The following MYO16 variants were observed in gnomAD, a reference collection of about 807,000 sequenced individuals.
MYO16 encodes unconventional myosin-XVI.
Under a neutral mutation model 205.3 loss-of-function variants are expected in MYO16, and 94 were observed. The observed-to-expected ratio is 0.46, with a 90% confidence interval of 0.39 to 0.54. The LOEUF is 0.54. Among genes scored for constraint, MYO16 ranks in the 20% least tolerant of loss-of-function variants. The probability of loss-of-function intolerance (pLI) is 0.00; values close to 1 mark genes in which losing one functional copy is unlikely to be tolerated. For synonymous variants in MYO16, 988 were observed against 954.0 expected (o/e 1.04, Z -0.66); for missense variants, 2,315 against 2,387.5 (o/e 0.97, Z 0.63).
intron 20 of MYO16, among the ~76,000 whole-genome samples, chr13:108,970,688 C>T (rs926705883): frequency 6.6e-6 from 1 of 152,186 alleles, no homozygotes; most frequent in Non-Finnish European, 1.5e-5. Flanking sequence ...CTCTTCAAAT[C>T]CTCATAAATT....
At chr13:109,159,987 T>C (rs888056060) in intron 32 of MYO16, among the ~76,000 whole-genome samples, 2 of 152,254 alleles carry the variant, frequency 1.3e-5, no homozygotes, top group Non-Finnish European at 2.9e-5. Context: ...ATCCGACTTA[T>C]GTTTTAAAGC....
At chr13:108,858,854 C>T (rs1157991163) in intron 11 of MYO16, among the ~76,000 whole-genome samples, 1 of 152,158 alleles carries the variant, frequency 6.6e-6, no homozygotes, top group African/African-American at 2.4e-5. Flanking sequence ...TTTCTGACGT[C>T]AGATGCTGGC....
chr13:109,091,151 G>A (rs898623964), intron 27 of MYO16, among the ~76,000 whole-genome samples: 1 of 152,120 alleles, frequency 6.6e-6, no homozygotes, highest in Non-Finnish European at 1.5e-5. Context: ...TGTAGCCATG[G>A]GCAGACAGCC....
chr13:108,703,514 C>T (rs1489201571), intron 2 of MYO16, among the ~76,000 whole-genome samples: 1 of 151,968 alleles, frequency 6.6e-6, no homozygotes. Flanking sequence ...TGGAGCTAGA[C>T]AAAAGTTCAA....
intron 16 of MYO16, among the ~76,000 whole-genome samples, chr13:108,947,554 AGTTCTGG>A (rs1466585233): frequency 6.6e-6 from 1 of 152,140 alleles, no homozygotes; most frequent in African/African-American, 2.4e-5. Flanking sequence ...AAATATCAGC[AGTTCTGG>A]GTGTGTGTTT....
At chr13:108,505,624 CT>C in the MYO16 span, among the ~76,000 whole-genome samples, 1 of 151,940 alleles carries the variant, frequency 6.6e-6, no homozygotes, top group East Asian at 1.9e-4. Context: ...ATTCTATATG[CT>C]TTTTTTAGTC....
At chr13:108,835,586 GAGA>G (rs1166074673) in intron 9 of MYO16, among the ~76,000 whole-genome samples, 1 of 152,180 alleles carries the variant, frequency 6.6e-6, no homozygotes, top group African/African-American at 2.4e-5. Context: ...TTGAAGGGCT[GAGA>G]AGAAGACAGG....
chr13:108,688,899 G>A (rs1045257751), intron 2 of MYO16, among the ~76,000 whole-genome samples: 12 of 152,070 alleles, frequency 7.9e-5, no homozygotes, highest in African/African-American at 2.2e-4. Flanking sequence ...TTTGAGCCTC[G>A]GTTTCCTTAC....
At chr13:108,828,581 T>C (rs1263532544) in intron 9 of MYO16, among the ~76,000 whole-genome samples, 3 of 152,148 alleles carry the variant, frequency 2.0e-5, no homozygotes, top group African/African-American at 7.2e-5. Flanking sequence ...GCCCTTTGGA[T>C]CGCATCTGAG....
chr13:108,898,938 A>T (rs1039705417), intron 15 of MYO16, among the ~76,000 whole-genome samples: 2 of 152,148 alleles, frequency 1.3e-5, no homozygotes, highest in Admixed American at 6.6e-5. Flanking sequence ...CAGCACATAA[A>T]CATTTGCCAA....
rs1201027831 is a variant in MYO16 at position 108,961,803 on chromosome 13, C to CT, written c.2155+150dup. ...TTCAGTGAGGGGGGGAAATTGTCTA[C>CT]TTTGTTTTTTCTTAAAATCTGTTGT... On this transcript the variant is annotated intron_variant, in intron 18 of 34. Transcript: ENST00000457511. 1.5e-4 allele frequency: 97 copies of CT among 651,424 alleles called. 1 individual carries two copies. The highest frequency in any genetic ancestry group is 8.7e-4 in the South Asian group (46 of 53,124). 40.4% of individuals were successfully genotyped at this position (651,424 alleles called of 1,614,324 possible).
chr13:108,986,967 G>A (rs1307989486), intron 20 of MYO16, among the ~76,000 whole-genome samples: 1 of 152,106 alleles, frequency 6.6e-6, no homozygotes, highest in East Asian at 1.9e-4. Context: ...TCACCATTCT[G>A]TATCTCAGTA....
At chr13:108,950,836 G>A (rs1278517461) in intron 16 of MYO16, among the ~76,000 whole-genome samples, 1 of 152,098 alleles carries the variant, frequency 6.6e-6, no homozygotes, top group African/African-American at 2.4e-5. Flanking sequence ...ACTGCTGTGT[G>A]TTAACACTGG....
the MYO16 span, among the ~76,000 whole-genome samples, chr13:108,501,705 G>A: frequency 6.6e-6 from 1 of 152,218 alleles, no homozygotes; most frequent in African/African-American, 2.4e-5. Flanking sequence ...CAGCCTGTAA[G>A]CTAAACATGT....
Position 108,844,410 on chromosome 13 carries a change from G to T in MYO16, c.1165G>T (p.Ala389Ser). The change falls in exon 10 of 35, where the codon GCA becomes TCA. Residue 389 changes from alanine (A) to serine (S), a missense_variant. This residue lies in a region of MYO16 where 1,213 missense variants were observed against 1,274.4 expected (regional missense o/e 0.95). Transcript: ENST00000457511. Reference sequence around the variant, plus strand: ...GGAAAAAGACATTATGTTCAAAGATGCAACAAAAGGTCTGTGTAAGCAGCA... The same window carrying T: ...GGAAAAAGACATTATGTTCAAAGATTCAACAAAAGGTCTGTGTAAGCAGCA... ...LLEKDIMFKDATKGLCKQQSQ... is the reference protein window; with the variant it reads ...LLEKDIMFKDSTKGLCKQQSQ... 6.2e-7 allele frequency: 1 copy of T among 1,613,424 alleles called. No individual in the cohort carries two copies. Among genetic ancestry groups the T allele is most frequent in the Non-Finnish European group, 8.5e-7 (1 of 1,179,492 alleles).
intron 2 of MYO16, among the ~76,000 whole-genome samples, chr13:108,682,456 A>G (rs935276370): frequency 7.1e-6 from 1 of 140,862 alleles, no homozygotes; most frequent in Non-Finnish European, 1.6e-5. Flanking sequence ...CTTCCCATTC[A>G]CTTGTAGTCA....
chr13:108,825,072 G>A (rs181968539), intron 9 of MYO16, among the ~76,000 whole-genome samples: 14 of 151,936 alleles, frequency 9.2e-5, no homozygotes, highest in East Asian at 7.7e-4. Flanking sequence ...AGAATTACCC[G>A]GATACAAAAA....
At chr13:108,784,239 T>A (rs1030853519) in intron 4 of MYO16, among the ~76,000 whole-genome samples, 2 of 152,272 alleles carry the variant, frequency 1.3e-5, no homozygotes, top group African/African-American at 4.8e-5. Flanking sequence ...AGGGTTTTTT[T>A]TTTCAAACTC....
chr13:109,160,565 A>T (rs968199612), intron 32 of MYO16, among the ~76,000 whole-genome samples: 6 of 152,212 alleles, frequency 3.9e-5, no homozygotes, highest in African/African-American at 7.2e-5. Context: ...GATGCCACTG[A>T]ACTACACAAC....
Sources: allele counts gnomAD v4.1 joint callset (sites outside exome capture counted in the v4.1 genomes callset), GRCh38; gene constraint gnomAD v4.1.1; regional missense constraint gnomAD v4.1.1; transcripts MANE v1.5; gene names NCBI Gene and HGNC (gene_info 2026-07-23, HGNC 2026-07-21).